ADAMTS17: variants seen among roughly 807,000 people sequenced by gnomAD.
ADAMTS17 encodes the protein ADAM metallopeptidase with thrombospondin type 1 motif 17.
In ADAMTS17, 113 loss-of-function variants were observed where a neutral mutation model predicts 141.5. That is an observed-to-expected ratio of 0.80 (90% CI 0.69 to 0.93). ADAMTS17 has a LOEUF of 0.93. ADAMTS17 is among the 40% of genes least tolerant of loss of function. The pLI is 0.00. For missense variants in ADAMTS17, 1,659 were observed against 1,517.9 expected (o/e 1.09, Z -1.54); for synonymous variants, 768 against 630.6 (o/e 1.22, Z -3.27).
chr15:100,248,696 T>C (rs1027504446), intron 7 of ADAMTS17, among the ~76,000 whole-genome samples: 3 of 152,116 alleles, frequency 2.0e-5, no homozygotes, highest in African/African-American at 7.2e-5. Flanking sequence ...AACGTGGAGA[T>C]CAGAATTCCC....
At chr15:100,265,554 G>C (rs957037337) in intron 4 of ADAMTS17, among the ~76,000 whole-genome samples, 2 of 152,176 alleles carry the variant, frequency 1.3e-5, no homozygotes, top group Non-Finnish European at 2.9e-5. Flanking sequence ...GGCTTCTCTG[G>C]CTAGGCAATG....
Position 100,243,839 on chromosome 15 carries a change from A to AAAAAG in ADAMTS17, c.1075+10296_1075+10297insCTTTT, listed in dbSNP as rs1555492105. Among the ~76,000 whole-genome samples, 26 of 149,152 alleles carry AAAAAG rather than the reference A, an allele frequency of 1.7e-4. No individual in the cohort carries two copies. In the East Asian group the frequency reaches 4.6e-3, roughly 27 times the overall value. On this transcript the variant is annotated intron_variant, in intron 7 of 21. Coordinates refer to ENST00000268070, the MANE Select transcript of ADAMTS17 (RefSeq NM_139057.4). The stretch of plus-strand genomic sequence containing the variant: ...AAAAAGAAATGAAATGAAACAAAAC[A>AAAAAG]AAATGAAAGTGGTCATCCTAATGAG...
At chr15:99,978,920 G>A (rs1477079743) in intron 20 of ADAMTS17, 6 of 152,220 alleles carry the variant, frequency 3.9e-5, no homozygotes, top group Admixed American at 3.9e-4. Flanking sequence ...CCTCCTCTCA[G>A]GTCCCTGTGG....
intron 15 of ADAMTS17, among the ~76,000 whole-genome samples, chr15:100,089,891 G>C (rs2035345673): frequency 6.6e-6 from 1 of 150,690 alleles, no homozygotes; most frequent in South Asian, 2.1e-4. Context: ...TAAATGACGA[G>C]TTAATGGGTG....
At chr15:100,077,625 G>A (rs1337714886) in intron 15 of ADAMTS17, among the ~76,000 whole-genome samples, 1 of 152,134 alleles carries the variant, frequency 6.6e-6, no homozygotes, top group Non-Finnish European at 1.5e-5. Context: ...TGCTCAACCT[G>A]ATAAAGGGCA....
At chr15:100,076,960 T>C (rs73474496) in intron 15 of ADAMTS17, among the ~76,000 whole-genome samples, 5,941 of 152,178 alleles carry the variant, frequency 0.039, 417 homozygotes, top group African/African-American at 0.14. Flanking sequence ...TTTATATATC[T>C]ACTCACCTAC....
intron 14 of ADAMTS17, among the ~76,000 whole-genome samples, chr15:100,100,157 T>C (rs181990532): frequency 1.3e-5 from 2 of 152,104 alleles, no homozygotes; most frequent in South Asian, 4.1e-4. Flanking sequence ...GAGACGCCAG[T>C]GCGGAAACAA....
At chr15:100,005,047 C>T (rs781641335) in intron 18 of ADAMTS17, among the ~76,000 whole-genome samples, 3 of 152,228 alleles carry the variant, frequency 2.0e-5, no homozygotes, top group African/African-American at 7.2e-5. Context: ...TGAGCCACTA[C>T]GCCTGGCTGA....
At position 100,051,552 on chromosome 15, in the gene ADAMTS17, C is replaced by A. The variant is rs1189405368; in HGVS notation, c.2455+20G>T. On this transcript the variant is annotated intron_variant, in intron 17 of 21. Coordinates refer to ENST00000268070, the MANE Select transcript of ADAMTS17 (RefSeq NM_139057.4). ...CAGCAAAACCCCACACCCAACAGGT[C>A]ATGGACCACGGCCACTCACCTCCGC... 6.2e-7 allele frequency: 1 copy of A among 1,612,756 alleles called. No homozygotes were observed. Among genetic ancestry groups the A allele is most frequent in the South Asian group, 1.1e-5 (1 of 90,996 alleles).
chr15:100,301,881 TTA>T (rs1862818686), intron 3 of ADAMTS17, among the ~76,000 whole-genome samples: 1 of 152,328 alleles, frequency 6.6e-6, no homozygotes, highest in African/African-American at 2.4e-5. Flanking sequence ...GCATCCTAAT[TTA>T]TGTTTTACAT....
At chr15:100,193,912 G>A (rs1056905670) in intron 8 of ADAMTS17, among the ~76,000 whole-genome samples, 3 of 152,210 alleles carry the variant, frequency 2.0e-5, no homozygotes, top group African/African-American at 7.2e-5. Flanking sequence ...GGCTGAGCAC[G>A]TGCGTGGCGC....
intron 10 of ADAMTS17, among the ~76,000 whole-genome samples, chr15:100,149,182 A>G (rs1477103695): frequency 2.6e-5 from 4 of 152,246 alleles, no homozygotes; most frequent in Admixed American, 6.5e-5. Context: ...CAGGGCCTGG[A>G]GCCCTGAAGT....
intron 15 of ADAMTS17, among the ~76,000 whole-genome samples, chr15:100,078,675 C>A (rs1324104054): frequency 6.6e-6 from 1 of 152,120 alleles, no homozygotes; most frequent in Non-Finnish European, 1.5e-5. Context: ...GTTTCTTAGA[C>A]ACAGCAGCAA....
intron 7 of ADAMTS17, among the ~76,000 whole-genome samples, chr15:100,239,362 C>T (rs2042756433): frequency 6.6e-6 from 1 of 152,216 alleles, no homozygotes; most frequent in African/African-American, 2.4e-5. Flanking sequence ...AGGAGCGGCG[C>T]TGGTTGTGGT....
intron 8 of ADAMTS17, among the ~76,000 whole-genome samples, chr15:100,188,240 C>G (rs940533406): frequency 2.6e-5 from 4 of 152,064 alleles, no homozygotes; most frequent in African/African-American, 9.7e-5. Context: ...CCATGCCCAG[C>G]TAATTTTGTA....
At chr15:100,158,259 C>A (rs1420494608) in intron 8 of ADAMTS17, among the ~76,000 whole-genome samples, 1 of 152,100 alleles carries the variant, frequency 6.6e-6, no homozygotes, top group Non-Finnish European at 1.5e-5. Flanking sequence ...TTTGGGTGAG[C>A]AACAGAAAAT....
intron 4 of ADAMTS17, among the ~76,000 whole-genome samples, chr15:100,263,785 C>T (rs1854234366): frequency 6.6e-6 from 1 of 152,248 alleles, no homozygotes; most frequent in African/African-American, 2.4e-5. Flanking sequence ...ATAGACATAA[C>T]CCAGGAGGGA....
chr15:100,334,613 G>T (rs1427123689), intron 2 of ADAMTS17, among the ~76,000 whole-genome samples: 1 of 152,142 alleles, frequency 6.6e-6, no homozygotes, highest in Non-Finnish European at 1.5e-5. Flanking sequence ...GGGTGGGCAC[G>T]CACCTCTTTC....
At chr15:100,073,407 T>C (rs1025286558) in intron 15 of ADAMTS17, among the ~76,000 whole-genome samples, 4 of 152,164 alleles carry the variant, frequency 2.6e-5, no homozygotes, top group African/African-American at 9.7e-5. Context: ...GCCATCCCAT[T>C]ACTGGGTGTA....
Sources: gnomAD v4.1 joint callset for allele counts (sites outside exome capture counted in the v4.1 genomes callset) on GRCh38, gnomAD v4.1.1 for gene constraint, MANE v1.5 for transcripts, NCBI Gene and HGNC (gene_info 2026-07-23, HGNC 2026-07-21) for gene names.